The following GGT6 variants were observed in gnomAD, a reference collection of about 807,000 sequenced individuals.
GGT6 encodes the protein gamma-glutamyltransferase 6.
A neutral mutation model predicts 17.0 loss-of-function variants in GGT6; 13 were observed. The observed-to-expected ratio is 0.77, with a 90% confidence interval of 0.50 to 1.22. The LOEUF (loss-of-function observed/expected upper bound fraction) is 1.22. Ranked by LOEUF, GGT6 falls within the 50% of genes most tolerant of loss-of-function variation. GGT6 has a pLI of 0.00. For synonymous variants in GGT6, 305 were observed against 297.9 expected, an observed-to-expected ratio of 1.02 and a Z score of -0.25; for missense variants, 628 against 643.7, an observed-to-expected ratio of 0.98 and a Z score of 0.26.
Position 4,560,559 on chromosome 17 carries a change from G to A in GGT6, c.-38C>T, listed in dbSNP as rs1311711245. 1.2e-6 allele frequency: 2 copies of A among 1,602,720 alleles called. No individual in the cohort carries two copies. Among genetic ancestry groups the A allele is most frequent in the Non-Finnish European group, 1.7e-6 (2 of 1,179,180 alleles). On this transcript the variant is annotated 5_prime_UTR_variant, in exon 1 of 4. Coordinates refer to ENST00000381550, the MANE Select transcript of GGT6 (RefSeq NM_001288702.2). ...CTCGCCCCAGCCCTCCTGCCTGCCAGCCTTTCCGGCTGTGTCTCAGAGGCC... is the reference window on the plus strand; with the variant it reads ...CTCGCCCCAGCCCTCCTGCCTGCCAACCTTTCCGGCTGTGTCTCAGAGGCC...
Position 4,560,490 on chromosome 17 carries a change from T to C in GGT6, c.32A>G (p.Gln11Arg). The C allele has an allele frequency of 1.2e-6, 2 of 1,613,248 alleles. No homozygotes were observed. Among genetic ancestry groups the C allele is most frequent in the Non-Finnish European group, 1.7e-6 (2 of 1,180,022 alleles). Residue 11 changes from glutamine (Q) to arginine (R), a missense_variant, in exon 1 of 4, where the codon CAG becomes CGG. Transcript: ENST00000381550. ...GCTTGGCTCCCAGGGCAGCAGCTTC[T>C]GATAGACCACGGGCTCTTCTGCCCG... MERAEEPVVY[Q>R]KLLPWEPSLE...
At position 4,560,480 on chromosome 17, in the gene GGT6, C is replaced by T. The variant is rs756184347; in HGVS notation, c.42G>A (p.Leu14=). 1.9e-6 allele frequency: 3 copies of T among 1,613,578 alleles called. No individual in the cohort carries two copies. The Admixed American group carries it at 5.0e-5, about 27-fold the overall frequency. Residue 14 remains leucine, a synonymous_variant, in exon 1 of 4, where the codon CTG becomes CTA. Coordinates refer to ENST00000381550, the MANE Select transcript of GGT6 (RefSeq NM_001288702.2). Reference sequence around the variant, plus strand: ...CCGACTCCAAGCTTGGCTCCCAGGGCAGCAGCTTCTGATAGACCACGGGCT... The same window carrying T: ...CCGACTCCAAGCTTGGCTCCCAGGGTAGCAGCTTCTGATAGACCACGGGCT... The part of the protein sequence containing the change: ...AEEPVVYQKL[L]PWEPSLESEE...
rs750398176 is a variant in GGT6, at chr17:4,558,205, G to A, written c.1310C>T (p.Thr437Ile). ...TGCCAGATGCCTGAGTAGGGTGTGA[G>A]TCATGGCCCTGGCCACATCAGGGGT... is the stretch of plus-strand genomic sequence containing the variant. ...SGTPDVARAM[T>I]HTLLRHLAAR... Residue 437 changes from threonine (T) to isoleucine (I), a missense_variant, in exon 4 of 4, where the codon ACT becomes ATT. Transcript: ENST00000381550. The A allele has an allele frequency of 6.2e-7, 1 of 1,614,198 alleles. No homozygotes were observed. The highest frequency in any genetic ancestry group is 1.7e-5 in the Admixed American group (1 of 60,028).
Position 4,558,189 on chromosome 17 carries a change from C to T in GGT6, c.1326G>A (p.Arg442=). The change falls in exon 4 of 4, where the codon AGG becomes AGA. Residue 442 remains arginine (R), a synonymous_variant. Coordinates refer to ENST00000381550, the MANE Select transcript of GGT6 (RefSeq NM_001288702.2). The part of the protein sequence containing the change: ...VARAMTHTLL[R]HLAARPPTQA... ...GGGTAGGGGGCCTTGCTGCCAGATG[C>T]CTGAGTAGGGTGTGAGTCATGGCCC... The T allele has an allele frequency of 6.2e-7, 1 of 1,614,142 alleles. No homozygotes were observed. Among genetic ancestry groups the T allele is most frequent in the Non-Finnish European group, 8.5e-7 (1 of 1,180,006 alleles).
Position 4,558,559 on chromosome 17 carries a change from C to T in GGT6, c.956G>A (p.Ser319Asn). Reference sequence around the variant, plus strand: ...CAGCAGTTCTGGGCCAGCTGAGGGACTGGGGGTGGTGAACAGGATGCCCTG... The same window carrying T: ...CAGCAGTTCTGGGCCAGCTGAGGGATTGGGGGTGGTGAACAGGATGCCCTG... ...VPQGILFTTP[S>N]PSAGPELLAL... The change falls in exon 4 of 4, where the codon AGT becomes AAT. Residue 319 changes from serine (S) to asparagine (N), a missense_variant. Ser to Asn is a conservative substitution (Grantham distance 46). Transcript: ENST00000381550. 6.4e-7 allele frequency: 1 copy of T among 1,570,450 alleles called. No individual in the cohort carries two copies. The highest frequency in any genetic ancestry group is 8.6e-7 in the Non-Finnish European group (1 of 1,157,808).
At position 4,558,693 on chromosome 17, in the gene GGT6, G is replaced by C. The variant is rs1336792786; in HGVS notation, c.822C>G (p.Asp274Glu). The C allele has an allele frequency of 6.2e-7, 1 of 1,608,118 alleles. No homozygotes were observed. Among genetic ancestry groups the C allele is most frequent in the Admixed American group, 1.7e-5 (1 of 59,316 alleles). The change falls in exon 4 of 4, where the codon GAC (aspartate) becomes GAG (glutamate). Residue 274 changes from aspartate (D) to glutamate (E), a missense_variant. Physicochemically the swap from Asp to Glu is conservative, Grantham distance 45. Coordinates refer to ENST00000381550, the MANE Select transcript of GGT6 (RefSeq NM_001288702.2). ...LRSAALAPTS[D>E]LAGDALLSLL... ...GACTCAGTAGAGCATCCCCAGCAAG[G>C]TCTGAGGTGGGAGCGAGGGCTGCGC...
At position 4,557,163 on chromosome 17, in the gene GGT6, T is replaced by C. The variant is rs1410611590; in HGVS notation, c.*852A>G. The C allele has an allele frequency of 1.3e-5, 2 of 152,194 alleles. No homozygotes were observed. The highest frequency in any genetic ancestry group is 4.8e-5 in the African/African-American group (2 of 41,438). The allele number at this position is 152,194 out of a possible 1,614,324, so 9.4% of individuals were successfully genotyped here. On this transcript the variant is annotated 3_prime_UTR_variant, in exon 4 of 4. Coordinates refer to ENST00000381550, the MANE Select transcript of GGT6 (RefSeq NM_001288702.2). ...TACTGCTTTTTCGTTATTACCCTGATTTTCTTAGCTGATAAAATAGCTAGA... is the reference window on the plus strand; with the variant it reads ...TACTGCTTTTTCGTTATTACCCTGACTTTCTTAGCTGATAAAATAGCTAGA...
rs1320029767 is a variant in GGT6 at position 4,558,817 on chromosome 17, C to T, written c.698G>A (p.Gly233Asp). The change falls in exon 4 of 4, where the codon GGC becomes GAC. Residue 233 changes from glycine to aspartate, a missense_variant. By Grantham distance (94) the Gly-to-Asp change is moderately conservative. Coordinates refer to ENST00000381550, the MANE Select transcript of GGT6 (RefSeq NM_001288702.2). ...TPLARALVARGTEGLCPLLCH... is the reference protein window; with the variant it reads ...TPLARALVARDTEGLCPLLCH... ...AAGTAGTGGACAGAGGCCTTCTGTG[C>T]CCCGAGCCACCAGAGCCCTTGCCAG... 6.4e-7 allele frequency: 1 copy of T among 1,550,894 alleles called. No homozygotes were observed. Among genetic ancestry groups the T allele is most frequent in the Non-Finnish European group, 8.7e-7 (1 of 1,146,966 alleles).
At chr17:4,559,928 A>T in intron 1 of GGT6, 168 bp from the exon 2 acceptor site, 2 of 637,148 alleles carry the variant, frequency 3.1e-6, no homozygotes. Context: ...AGACATGGGG[A>T]TGGGAAAGCA....
Position 4,559,549 on chromosome 17 carries a change from C to G in GGT6, c.343+9G>C. Reference sequence around the variant, plus strand: ...TCCCCTCCCCAAGCCGCCCCCAGCACTGACTGACCTGCAGGGCTGATGATG... The same window carrying G: ...TCCCCTCCCCAAGCCGCCCCCAGCAGTGACTGACCTGCAGGGCTGATGATG... On this transcript the variant is annotated intron_variant, in intron 2 of 3. Coordinates refer to ENST00000381550, the MANE Select transcript of GGT6 (RefSeq NM_001288702.2). 1.2e-6 allele frequency: 2 copies of G among 1,612,926 alleles called. No individual in the cohort carries two copies. Among genetic ancestry groups the G allele is most frequent in the Non-Finnish European group, 1.7e-6 (2 of 1,179,748 alleles).
chr17:4,560,243 T>C, intron 1 of GGT6, 139 bp downstream of exon 1: 1 of 934,990 alleles, frequency 1.1e-6, no homozygotes, highest in Non-Finnish European at 1.6e-6. Context: ...ACAGCCTGGG[T>C]TTTCCCCCAA....
In GGT6 at chr17:4,558,474, G is replaced by T; in HGVS notation, c.1041C>A (p.Phe347Leu). 6.2e-7 allele frequency: 1 copy of T among 1,608,398 alleles called. No individual in the cohort carries two copies. Reference sequence around the variant, plus strand: ...TCTCGGGGCTCACAGCAGTCTGCAGGAACGGTGGGCAGGGGTCAGGGATGG... The same window carrying T: ...TCTCGGGGCTCACAGCAGTCTGCAGTAACGGTGGGCAGGGGTCAGGGATGG... ...GAPIPDPCPP[F>L]LQTAVSPESS... The change falls in exon 4 of 4, where the codon TTC becomes TTA. Residue 347 changes from phenylalanine (F) to leucine (L), a missense_variant. By Grantham distance (22) the Phe-to-Leu change is conservative. Coordinates refer to ENST00000381550, the MANE Select transcript of GGT6 (RefSeq NM_001288702.2).
downstream of GGT6, among the ~76,000 whole-genome samples, chr17:4,556,262 G>A (rs1908100667): frequency 6.6e-6 from 1 of 152,206 alleles, no homozygotes; most frequent in Non-Finnish European, 1.5e-5. Flanking sequence ...AGCACGGGAA[G>A]ACCATTTAGA....
In GGT6 at chr17:4,559,775, T is replaced by C. The variant is rs759304747; in HGVS notation, c.141-15A>G. The C allele has an allele frequency of 3.1e-6, 5 of 1,607,630 alleles. No homozygotes were observed. The East Asian group carries it at 1.1e-4, about 36-fold the overall frequency. On this transcript the variant is annotated splice_polypyrimidine_tract_variant and intron_variant, in intron 1 of 3. Transcript: ENST00000381550. ...CAGCCTTGTTCCTGCAGAGGGGGGG[T>C]GTCCTGAGCCACGGCTGGGACAGAG...
chr17:4,558,288 G>A lies in GGT6; in HGVS notation c.1227C>T (p.Ile409=), dbSNP rs771394219. 1.1e-5 allele frequency: 17 copies of A among 1,613,820 alleles called. No individual in the cohort carries two copies. In the African/African-American group the frequency reaches 2.1e-4, roughly 20 times the overall value. The change falls in exon 4 of 4, where the codon ATC becomes ATT. Residue 409 remains isoleucine, a synonymous_variant. Coordinates refer to ENST00000381550, the MANE Select transcript of GGT6 (RefSeq NM_001288702.2). ...STTSAWACPL[I]LRGSLDDTEA... ...CTGTGTCATCCAGGCTGCCACGGAG[G>A]ATGAGGGGGCAGGCCCAGGCACTAG...
chr17:4,557,735 C>T lies in GGT6; in HGVS notation c.*280G>A, dbSNP rs1479276351. The T allele has an allele frequency of 1.5e-5, 5 of 340,728 alleles. No individual in the cohort carries two copies. In the South Asian group the frequency reaches 3.4e-4, roughly 23 times the overall value. 21.1% of individuals were successfully genotyped at this position (340,728 alleles called of 1,614,324 possible). A position where few individuals can be genotyped will look rare whatever the true frequency, so the allele number is the denominator to read the frequency against. On this transcript the variant is annotated 3_prime_UTR_variant, in exon 4 of 4. Transcript: ENST00000381550. ...TGAACTCCTGAGCTCAAGCGAGCTT[C>T]CTGCCTCAGCCTCCCAAGCAGCTGG...
At chr17:4,559,892 T>A in intron 1 of GGT6, 132 bp from the exon 2 acceptor site, 1 of 780,308 alleles carries the variant, frequency 1.3e-6, no homozygotes. Context: ...GAGAAAGGGC[T>A]TCTTGGCAGC....
rs777186979 is a variant in GGT6, at chr17:4,560,555, G to A, written c.-34C>T. The A allele has an allele frequency of 6.2e-7, 1 of 1,603,756 alleles. No individual in the cohort carries two copies. Among genetic ancestry groups the A allele is most frequent in the Non-Finnish European group, 8.5e-7 (1 of 1,179,384 alleles). On this transcript the variant is annotated 5_prime_UTR_variant, in exon 1 of 4. Transcript: ENST00000381550. Reference sequence around the variant, plus strand: ...AGTGCTCGCCCCAGCCCTCCTGCCTGCCAGCCTTTCCGGCTGTGTCTCAGA... The same window carrying A: ...AGTGCTCGCCCCAGCCCTCCTGCCTACCAGCCTTTCCGGCTGTGTCTCAGA...
intron 1 of GGT6, 93 bp downstream of exon 1, chr17:4,560,289 G>A (rs1388029346): frequency 1.4e-6 from 2 of 1,428,696 alleles, no homozygotes; most frequent in East Asian, 2.3e-5. Context: ...AACCCAGCGG[G>A]GAGTCGCCTG....
Sources: allele counts gnomAD v4.1 joint callset (sites outside exome capture counted in the v4.1 genomes callset), GRCh38; gene constraint gnomAD v4.1.1; transcripts MANE v1.5; gene names NCBI Gene and HGNC (gene_info 2026-07-23, HGNC 2026-07-21).